TRAPPC12: variants seen among roughly 807,000 people sequenced by gnomAD.
The protein encoded by TRAPPC12 is trafficking protein particle complex subunit 12.
A neutral mutation model predicts 69.2 loss-of-function variants in TRAPPC12; 61 were observed. That is an observed-to-expected ratio of 0.88 (90% CI 0.72 to 1.09). The LOEUF is 1.09. Ranked by LOEUF, TRAPPC12 falls within the 50% of genes least tolerant of loss-of-function variation. The probability of loss-of-function intolerance (pLI) is 0.00; values close to 1 mark genes in which losing one functional copy is unlikely to be tolerated. For missense variants in TRAPPC12, 1,101 were observed against 1,016.4 expected (o/e 1.08, Z -1.13); for synonymous variants, 469 against 438.9 (o/e 1.07, Z -0.86).
chr2:3,414,674 C>T lies in TRAPPC12; in HGVS notation c.1165-7207C>T, dbSNP rs1183525517. Reference sequence around the variant, plus strand: ...GCAGTGTCCTCACAGAGCTGTCAAGCGTGTCCATGCCGTGCCGCTTGTGCC... The same window carrying T: ...GCAGTGTCCTCACAGAGCTGTCAAGTGTGTCCATGCCGTGCCGCTTGTGCC... On this transcript the variant is annotated intron_variant, in intron 3 of 11. Coordinates refer to ENST00000324266, the MANE Select transcript of TRAPPC12 (RefSeq NM_016030.6). The surrounding 1 kb of genome is among the most constrained non-coding windows in gnomAD (Gnocchi z 4.9). Among the ~76,000 whole-genome samples the T allele has an allele frequency of 6.6e-6, 1 of 152,182 alleles. No homozygotes were observed. The highest frequency in any genetic ancestry group is 1.5e-5 in the Non-Finnish European group (1 of 68,042).
chr2:3,452,548 C>A (rs932748030), intron 6 of TRAPPC12, among the ~76,000 whole-genome samples: 2 of 152,192 alleles, frequency 1.3e-5, no homozygotes, highest in Admixed American at 6.5e-5. Flanking sequence ...TGCCTCCACT[C>A]CAGCCCGTCC....
intron 9 of TRAPPC12, among the ~76,000 whole-genome samples, chr2:3,467,150 A>G (rs1665851942): frequency 6.6e-6 from 1 of 152,192 alleles, no homozygotes; most frequent in South Asian, 2.1e-4. Context: ...AGTGTGATTT[A>G]AGCCCCATCT....
chr2:3,452,961 G>T (rs1322262987), intron 6 of TRAPPC12, among the ~76,000 whole-genome samples: 2 of 152,148 alleles, frequency 1.3e-5, no homozygotes, highest in Non-Finnish European at 2.9e-5. Context: ...TGTAAAACAG[G>T]CATGTGAAAA....
intron 3 of TRAPPC12, among the ~76,000 whole-genome samples, chr2:3,413,651 C>G (rs1197373190): frequency 6.6e-6 from 1 of 152,042 alleles, no homozygotes; most frequent in African/African-American, 2.4e-5. Flanking sequence ...AAAAAGACGA[C>G]AAGGATGCAT....
At chr2:3,440,423 G>T (rs556137377) in intron 5 of TRAPPC12, among the ~76,000 whole-genome samples, 1 of 151,832 alleles carries the variant, frequency 6.6e-6, no homozygotes, top group Non-Finnish European at 1.5e-5. Context: ...CATTTTATAC[G>T]TGGGTATTTC....
chr2:3,425,693 A>G (rs1384671952), intron 5 of TRAPPC12, among the ~76,000 whole-genome samples: 4 of 152,234 alleles, frequency 2.6e-5, no homozygotes, highest in African/African-American at 9.6e-5. Context: ...TGGCTGCAGC[A>G]GTGGAGCTAC....
intron 4 of TRAPPC12, among the ~76,000 whole-genome samples, chr2:3,424,279 C>T (rs1662974150): frequency 6.6e-6 from 1 of 152,216 alleles, no homozygotes; most frequent in African/African-American, 2.4e-5. Context: ...ACTCAGACTC[C>T]TGGGCTCAAG....
At chr2:3,453,525 C>T (rs1004228570) in intron 6 of TRAPPC12, among the ~76,000 whole-genome samples, 3 of 152,240 alleles carry the variant, frequency 2.0e-5, no homozygotes, top group African/African-American at 7.2e-5. Flanking sequence ...CTCGCCTGGG[C>T]CCTCAGCAGC....
At chr2:3,386,435 C>T (rs1218472263) in intron 1 of TRAPPC12, among the ~76,000 whole-genome samples, 3 of 152,150 alleles carry the variant, frequency 2.0e-5, no homozygotes, top group Non-Finnish European at 2.9e-5. Context: ...GGTGTGATTT[C>T]GGCTTACATA....
intron 3 of TRAPPC12, among the ~76,000 whole-genome samples, chr2:3,407,259 T>C (rs1258306361): frequency 6.6e-6 from 1 of 152,202 alleles, no homozygotes; most frequent in African/African-American, 2.4e-5. Flanking sequence ...TTGAGTGATT[T>C]TTATTAGACT....
chr2:3,389,212 G>C (rs1328139784), intron 2 of TRAPPC12, among the ~76,000 whole-genome samples: 1 of 152,238 alleles, frequency 6.6e-6, no homozygotes, highest in South Asian at 2.1e-4. Flanking sequence ...TTGCCAGCTG[G>C]AGACCTCCGT....
At chr2:3,381,764 C>T (rs1004174271) in intron 1 of TRAPPC12, among the ~76,000 whole-genome samples, 1 of 152,196 alleles carries the variant, frequency 6.6e-6, no homozygotes, top group Admixed American at 6.5e-5. Context: ...TTGAAACTTC[C>T]GTGTGTCCCT....
chr2:3,436,510 TTTA>T (rs139073085), intron 5 of TRAPPC12, among the ~76,000 whole-genome samples: 2,639 of 152,218 alleles, frequency 0.017, 109 homozygotes, highest in East Asian at 0.17. Context: ...ATCTTGCATT[TTTA>T]TTATTAATAA....
chr2:3,429,477 G>T (rs1040747679), intron 5 of TRAPPC12, among the ~76,000 whole-genome samples: 1 of 152,148 alleles, frequency 6.6e-6, no homozygotes, highest in Non-Finnish European at 1.5e-5. Context: ...AAAAAGATAA[G>T]TATATCTTAA....
intron 9 of TRAPPC12, among the ~76,000 whole-genome samples, chr2:3,468,707 C>T (rs1665932466): frequency 2.0e-5 from 3 of 152,190 alleles, no homozygotes; most frequent in Admixed American, 2.0e-4. Flanking sequence ...AGAGTGACTC[C>T]AGTGCACACG....
intron 8 of TRAPPC12, among the ~76,000 whole-genome samples, chr2:3,464,711 A>G (rs1665712641): frequency 6.6e-6 from 1 of 152,132 alleles, no homozygotes; most frequent in Non-Finnish European, 1.5e-5. Context: ...GAGACAAGCT[A>G]CCACTGTGTC....
intron 2 of TRAPPC12, among the ~76,000 whole-genome samples, chr2:3,392,714 G>A (rs543396233): frequency 6.6e-6 from 1 of 152,318 alleles, no homozygotes; most frequent in African/African-American, 2.4e-5. Context: ...TGGAGAAAGG[G>A]ACCCTTGTGC....
chr2:3,408,171 C>A (rs1661834119), intron 3 of TRAPPC12, among the ~76,000 whole-genome samples: 1 of 152,200 alleles, frequency 6.6e-6, no homozygotes. Flanking sequence ...ACATGTGTGG[C>A]CAAGGAAATG....
Position 3,387,966 on chromosome 2 carries a change from G to A in TRAPPC12, c.343G>A (p.Asp115Asn), listed in dbSNP as rs1341264281. ...AGTPSPSGEA[D>N]GDCAPEDAAP... is the part of the protein sequence containing the mutation. ...CACCCCGAGTCCCAGCGGCGAGGCCGACGGCGACTGTGCCCCCGAGGACGC... is the reference window on the plus strand; with the variant it reads ...CACCCCGAGTCCCAGCGGCGAGGCCAACGGCGACTGTGCCCCCGAGGACGC... The change falls in exon 2 of 12, where the codon GAC (aspartate) becomes AAC (asparagine). Residue 115 changes from aspartate to asparagine, a missense_variant. Asp to Asn is a conservative substitution (Grantham distance 23). Coordinates refer to ENST00000324266, the MANE Select transcript of TRAPPC12 (RefSeq NM_016030.6). 4.7e-6 allele frequency: 7 copies of A among 1,478,192 alleles called. No homozygotes were observed. The East Asian group carries it at 1.1e-4, about 23-fold the overall frequency. The allele number at this position is 1,478,192 out of a possible 1,614,324, so 91.6% of individuals were successfully genotyped here.
Sources: gnomAD v4.1 joint callset for allele counts (sites outside exome capture counted in the v4.1 genomes callset) on GRCh38, gnomAD v4.1.1 for gene constraint, Gnocchi (gnomAD v3.1) non-coding constraint, MANE v1.5 for transcripts, NCBI Gene and HGNC (gene_info 2026-07-23, HGNC 2026-07-21) for gene names.